TMC5: variants seen among roughly 807,000 people sequenced by gnomAD.
TMC5 encodes transmembrane channel like 5.
In TMC5, 86 loss-of-function variants were observed where a neutral mutation model predicts 110.5. That is an observed-to-expected ratio of 0.78 (90% confidence interval 0.65 to 0.93). The LOEUF (loss-of-function observed/expected upper bound fraction) is 0.93, where lower values mean the gene tolerates loss of function less well. Ranked by LOEUF, TMC5 falls within the 40% of genes least tolerant of loss-of-function variation. The pLI is 0.00. For synonymous variants in TMC5, 455 were observed against 439.5 expected (o/e 1.04, Z -0.44); for missense variants, 1,144 against 1,222.8 (o/e 0.94, Z 0.96).
At chr16:19,456,672 C>T (rs778462672) in intron 5 of TMC5, 2 of 1,584,482 alleles carry the variant, frequency 1.3e-6, no homozygotes, top group South Asian at 2.3e-5. Flanking sequence ...AGGAAGCCCA[C>T]CCCAGTGGAG....
intron 4 of TMC5, among the ~76,000 whole-genome samples, chr16:19,446,572 C>A (rs1237086071): frequency 1.3e-5 from 2 of 152,218 alleles, no homozygotes; most frequent in African/African-American, 4.8e-5. Flanking sequence ...GCAGGCACTG[C>A]CACTCTCCCT....
chr16:19,463,723 C>T (rs1436313021), intron 7 of TMC5, 53 bp from the exon 8 acceptor site: 7 of 1,587,794 alleles, frequency 4.4e-6, no homozygotes, highest in South Asian at 3.5e-5. Context: ...CCTGCTCAGT[C>T]GATATTTGTT....
intron 8 of TMC5, among the ~76,000 whole-genome samples, chr16:19,465,169 A>T (rs1013238328): frequency 2.0e-5 from 3 of 146,664 alleles, no homozygotes; most frequent in African/African-American, 5.1e-5. Flanking sequence ...TAACTTGCTT[A>T]TTCAGACTAG....
At chr16:19,421,693 G>T (rs1267581474) in intron 1 of TMC5, among the ~76,000 whole-genome samples, 1 of 152,170 alleles carries the variant, frequency 6.6e-6, no homozygotes, top group Non-Finnish European at 1.5e-5. Context: ...AAACAGCATT[G>T]AATCTAGAAA....
intron 7 of TMC5, among the ~76,000 whole-genome samples, 160 bp from the exon 8 acceptor site, chr16:19,463,616 C>T (rs1968083829): frequency 6.6e-6 from 1 of 152,192 alleles, no homozygotes; most frequent in Non-Finnish European, 1.5e-5. Context: ...CATAATAGCT[C>T]CACCTTAGAG....
At chr16:19,444,606 T>C (rs1967571362) in intron 4 of TMC5, among the ~76,000 whole-genome samples, 1 of 152,202 alleles carries the variant, frequency 6.6e-6, no homozygotes, top group Non-Finnish European at 1.5e-5. Flanking sequence ...ATGTGAAACC[T>C]GATGTTGATC....
intron 17 of TMC5, among the ~76,000 whole-genome samples, chr16:19,489,249 C>T (rs1056404651): frequency 3.3e-5 from 5 of 152,228 alleles, no homozygotes; most frequent in African/African-American, 9.6e-5. Context: ...ACAGCTCAAA[C>T]TCCTGGGCTC....
intron 17 of TMC5, chr16:19,487,748 TA>T (rs1567326167): frequency 6.9e-6 from 1 of 143,922 alleles, no homozygotes; most frequent in African/African-American, 2.7e-5. Flanking sequence ...AATAAATAAA[TA>T]AATAAATAAT....
intron 14 of TMC5, among the ~76,000 whole-genome samples, chr16:19,480,633 T>C (rs1968594392): frequency 6.6e-6 from 1 of 151,986 alleles, no homozygotes; most frequent in Non-Finnish European, 1.5e-5. Flanking sequence ...GGTGAAACCC[T>C]GTCTCTACTA....
At chr16:19,487,502 G>A (rs1968776672) in intron 17 of TMC5, among the ~76,000 whole-genome samples, 176 bp downstream of exon 17, 1 of 152,144 alleles carries the variant, frequency 6.6e-6, no homozygotes, top group African/African-American at 2.4e-5. Context: ...AGGAGTTCAG[G>A]ACCAGCCTGG....
At chr16:19,458,167 G>A (rs886174118) in intron 5 of TMC5, among the ~76,000 whole-genome samples, 1 of 152,062 alleles carries the variant, frequency 6.6e-6, no homozygotes, top group Admixed American at 6.5e-5. Flanking sequence ...CAGCCTCTCT[G>A]CTCCTGAGGC....
intron 5 of TMC5, among the ~76,000 whole-genome samples, chr16:19,454,070 CAG>C (rs1315044555): frequency 6.6e-6 from 1 of 151,948 alleles, no homozygotes; most frequent in Middle Eastern, 3.2e-3. Flanking sequence ...GTTTTTGAGG[CAG>C]AGTTTCACTC....
chr16:19,488,688 C>A (rs1968811262), intron 17 of TMC5, among the ~76,000 whole-genome samples: 1 of 152,180 alleles, frequency 6.6e-6, no homozygotes, highest in African/African-American at 2.4e-5. Flanking sequence ...TCACAGCCCT[C>A]CTTGTCTGCT....
intron 6 of TMC5, among the ~76,000 whole-genome samples, chr16:19,462,063 C>T (rs1263506173): frequency 1.3e-5 from 2 of 152,166 alleles, no homozygotes; most frequent in Non-Finnish European, 2.9e-5. Flanking sequence ...AGAACCAGAA[C>T]AAAGCAGATG....
At chr16:19,451,799 T>TC (rs3049275) in intron 5 of TMC5, among the ~76,000 whole-genome samples, 10,676 of 152,050 alleles carry the variant, frequency 0.07, 764 homozygotes, top group African/African-American at 0.19. Context: ...AACTTTTTCT[T>TC]TTTATTATTA....
chr16:19,419,694 G>A (rs1966941532), intron 1 of TMC5, among the ~76,000 whole-genome samples: 2 of 152,082 alleles, frequency 1.3e-5, no homozygotes, highest in Admixed American at 1.3e-4. Flanking sequence ...TTACAGGCGT[G>A]AGCCACCGCG....
intron 17 of TMC5, among the ~76,000 whole-genome samples, chr16:19,490,103 A>G (rs1363771406): frequency 6.6e-6 from 1 of 152,052 alleles, no homozygotes; most frequent in African/African-American, 2.4e-5. Flanking sequence ...ACTTCTTAAG[A>G]AAAAAAGTCT....
intron 1 of TMC5, among the ~76,000 whole-genome samples, chr16:19,426,144 G>T (rs1487540818): frequency 6.6e-6 from 1 of 152,350 alleles, no homozygotes; most frequent in African/African-American, 2.4e-5. Context: ...TACTTGGGTT[G>T]TGTTATATAA....
intron 1 of TMC5, among the ~76,000 whole-genome samples, chr16:19,426,488 C>T (rs1362687454): frequency 1.3e-5 from 2 of 152,168 alleles, no homozygotes; most frequent in Admixed American, 1.3e-4. Context: ...CTACGGGTCT[C>T]CAGTAAGCAG....
Sources: gnomAD v4.1 joint callset for allele counts (sites outside exome capture counted in the v4.1 genomes callset) on GRCh38, gnomAD v4.1.1 for gene constraint, MANE v1.5 for transcripts, NCBI Gene and HGNC (gene_info 2026-07-23, HGNC 2026-07-21) for gene names.